GRID2: variants seen among roughly 807,000 people sequenced by gnomAD.
GRID2 encodes the protein glutamate ionotropic receptor delta type subunit 2, also known as glutamate receptor ionotropic, delta-2.
Under a neutral mutation model 114.8 loss-of-function variants are expected in GRID2, and 33 were observed. The observed-to-expected ratio is 0.29, with a 90% CI of 0.22 to 0.38. The LOEUF is 0.38. Among genes scored for constraint, GRID2 ranks in the 10% least tolerant of loss-of-function variants. GRID2 has a pLI of 1.00. For synonymous variants in GRID2, 505 were observed against 449.9 expected, an observed-to-expected ratio of 1.12 and a Z score of -1.55; for missense variants, 1,184 against 1,257.7, an observed-to-expected ratio of 0.94 and a Z score of 0.89.
intron 9 of GRID2, among the ~76,000 whole-genome samples, chr4:93,417,213 G>A (rs1252378053): frequency 1.3e-5 from 2 of 151,940 alleles, no homozygotes; most frequent in Non-Finnish European, 2.9e-5. Flanking sequence ...ATAATCTCCT[G>A]TCATCTGGGC....
chr4:92,961,730 C>A (rs898724258), intron 2 of GRID2, among the ~76,000 whole-genome samples: 2 of 151,074 alleles, frequency 1.3e-5, no homozygotes, highest in Non-Finnish European at 3.0e-5. Context: ...TGAAGAAATT[C>A]TTGGTCGTGG....
chr4:92,752,002 C>T (rs17019871), intron 2 of GRID2, among the ~76,000 whole-genome samples: 23,615 of 152,058 alleles, frequency 0.16, 2,315 homozygotes, highest in African/African-American at 0.27. Context: ...TGCAAAAGTG[C>T]GAATTTCTCT....
intron 1 of GRID2, among the ~76,000 whole-genome samples, chr4:92,540,834 A>T (rs1310173543): frequency 6.6e-6 from 1 of 152,216 alleles, no homozygotes; most frequent in South Asian, 2.1e-4. Flanking sequence ...CTATAAAGAC[A>T]CATGCACACA....
intron 2 of GRID2, among the ~76,000 whole-genome samples, chr4:92,949,752 C>T (rs552418484): frequency 6.6e-6 from 1 of 151,734 alleles, no homozygotes; most frequent in Admixed American, 6.6e-5. Flanking sequence ...TACCATCCAA[C>T]AAATTGAAAC....
At chr4:93,793,926 A>T (rs1210846082) in intron 1 of GRID2, among the ~76,000 whole-genome samples, 5 of 152,210 alleles carry the variant, frequency 3.3e-5, no homozygotes, top group Non-Finnish European at 7.3e-5. Context: ...AAATGCCAAG[A>T]ATCTTCCCTC....
intron 2 of GRID2, among the ~76,000 whole-genome samples, chr4:92,839,543 A>C (rs112205970): frequency 2.0e-5 from 3 of 151,632 alleles, no homozygotes; most frequent in African/African-American, 7.3e-5. Context: ...TTTAAAGAAA[A>C]GTTTTTAAAA....
At chr4:92,829,987 C>T (rs1741988369) in intron 2 of GRID2, among the ~76,000 whole-genome samples, 1 of 151,522 alleles carries the variant, frequency 6.6e-6, no homozygotes, top group African/African-American at 2.4e-5. Context: ...ACATGTGGGG[C>T]TGAAAAGCTG....
At chr4:92,480,427 C>T (rs1363339519) in intron 1 of GRID2, among the ~76,000 whole-genome samples, 1 of 152,060 alleles carries the variant, frequency 6.6e-6, no homozygotes. Context: ...TATGGGTGAG[C>T]TTATCATCAA....
intron 4 of GRID2, among the ~76,000 whole-genome samples, chr4:93,194,527 T>C (rs1016436710): frequency 6.6e-6 from 1 of 152,128 alleles, no homozygotes; most frequent in Non-Finnish European, 1.5e-5. Context: ...GACTGGCAGG[T>C]ATTGGCATAC....
Position 92,423,570 on chromosome 4 carries a change from G to A in GRID2, c.88+118826G>A, listed in dbSNP as rs148003647. Among the ~76,000 whole-genome samples the A allele has an allele frequency of 2.1e-4, 32 of 152,222 alleles. No individual in the cohort carries two copies. In the East Asian group the frequency reaches 6.0e-3, roughly 29 times the overall value. ...GTGATATTCTTGTGGCAAAGATTGT[G>A]TACAACTTAATAAGAGAAGTGTTGT... is the stretch of plus-strand genomic sequence containing the variant. On this transcript the variant is annotated intron_variant, in intron 1 of 15. Transcript: ENST00000282020.
At chr4:92,936,074 C>T (rs1181021690) in intron 2 of GRID2, among the ~76,000 whole-genome samples, 1 of 145,512 alleles carries the variant, frequency 6.9e-6, no homozygotes, top group Non-Finnish European at 1.5e-5. Flanking sequence ...ATGCTGTCTA[C>T]TTGAAGAAAA....
chr4:93,321,177 A>G (rs1757172136), intron 8 of GRID2, among the ~76,000 whole-genome samples: 1 of 152,044 alleles, frequency 6.6e-6, no homozygotes, highest in South Asian at 2.1e-4. Flanking sequence ...CGTCACACGG[A>G]ATTCTTGGCA....
chr4:92,732,310 G>T (rs981293588), intron 2 of GRID2, among the ~76,000 whole-genome samples: 86 of 151,938 alleles, frequency 5.7e-4, no homozygotes, highest in African/African-American at 1.9e-3. Flanking sequence ...ACTTTAAATT[G>T]TATGGTTACT....
At chr4:93,422,063 C>T (rs1223554650) in intron 9 of GRID2, among the ~76,000 whole-genome samples, 1 of 152,004 alleles carries the variant, frequency 6.6e-6, no homozygotes, top group Non-Finnish European at 1.5e-5. Context: ...TTTCTTAACA[C>T]CAGGTGTTCT....
chr4:93,403,851 C>G (rs1036418924), intron 9 of GRID2, among the ~76,000 whole-genome samples: 1 of 152,104 alleles, frequency 6.6e-6, no homozygotes, highest in Non-Finnish European at 1.5e-5. Context: ...AGAGTCACTA[C>G]ATGATTACAA....
At chr4:93,437,295 C>T (rs1721186986) in intron 10 of GRID2, among the ~76,000 whole-genome samples, 1 of 152,076 alleles carries the variant, frequency 6.6e-6, no homozygotes. Flanking sequence ...TGCCCATAGT[C>T]ACATAGCCAA....
intron 2 of GRID2, among the ~76,000 whole-genome samples, chr4:92,903,027 G>A (rs751369145): frequency 9.2e-5 from 14 of 151,636 alleles, no homozygotes; most frequent in Non-Finnish European, 1.3e-4. Context: ...GGATCGCTTC[G>A]GTTATTCAGG....
intron 2 of GRID2, among the ~76,000 whole-genome samples, chr4:93,060,249 T>C (rs1727656293): frequency 6.6e-6 from 1 of 152,124 alleles, no homozygotes; most frequent in African/African-American, 2.4e-5. Flanking sequence ...TCAATGTAGA[T>C]TGTCATAGCT....
intron 10 of GRID2, among the ~76,000 whole-genome samples, chr4:93,452,676 A>AT (rs1173260496): frequency 6.6e-6 from 1 of 152,148 alleles, no homozygotes; most frequent in Non-Finnish European, 1.5e-5. Context: ...AATAAGTATG[A>AT]TTTTTAATCT....
Sources: allele counts gnomAD v4.1 joint callset (sites outside exome capture counted in the v4.1 genomes callset), GRCh38; gene constraint gnomAD v4.1.1; transcripts MANE v1.5; gene names NCBI Gene and HGNC (gene_info 2026-07-23, HGNC 2026-07-21).